PSPC1: variants seen among roughly 807,000 people sequenced by gnomAD.
PSPC1 encodes paraspeckle protein 1.
In PSPC1, 14 loss-of-function variants were observed where a neutral mutation model predicts 51.6. The observed-to-expected ratio is 0.27, with a 90% CI of 0.18 to 0.42. The LOEUF (loss-of-function observed/expected upper bound fraction) is 0.42. Among genes scored for constraint, PSPC1 ranks in the 10% least tolerant of loss-of-function variants. The pLI is 1.00. For missense variants in PSPC1, 406 were observed against 701.1 expected (o/e 0.58, Z 4.75); for synonymous variants, 193 against 231.9 (o/e 0.83, Z 1.53).
intron 1 of PSPC1, among the ~76,000 whole-genome samples, chr13:19,781,961 C>A (rs891262168): frequency 1.1e-4 from 17 of 152,316 alleles, no homozygotes; most frequent in African/African-American, 4.1e-4. Context: ...ACATCCAATT[C>A]GTTTTTTATG....
Position 19,782,317 on chromosome 13 carries a change from C to A in PSPC1, c.372+69G>T. 1 of 1,509,532 alleles carries A rather than the reference C, an allele frequency of 6.6e-7. No individual in the cohort carries two copies. The highest frequency in any genetic ancestry group is 1.3e-5 in the South Asian group (1 of 76,866). 93.5% of individuals were successfully genotyped at this position (1,509,532 alleles called of 1,614,324 possible). On this transcript the variant is annotated intron_variant, in intron 1 of 8. Transcript: ENST00000338910. The surrounding 1 kb of genome is among the most constrained non-coding windows in gnomAD (Gnocchi z 4.5). ...GACAGCGTCCTAGGACGAGGCTGGC[C>A]TCAGCCCCACGACCCCGCGGCCACC... is the stretch of plus-strand genomic sequence containing the variant.
intron 6 of PSPC1, among the ~76,000 whole-genome samples, chr13:19,710,963 G>T (rs551013470): frequency 6.6e-6 from 1 of 151,206 alleles, no homozygotes; most frequent in Admixed American, 6.6e-5. Flanking sequence ...TCAGCTTCCC[G>T]AATAGATGGG....
At chr13:19,761,372 T>C (rs1438834603) in intron 2 of PSPC1, among the ~76,000 whole-genome samples, 3 of 152,042 alleles carry the variant, frequency 2.0e-5, no homozygotes, top group African/African-American at 7.2e-5. Context: ...CACACTGATA[T>C]TAAAATTTCC....
chr13:19,736,490 T>C lies in PSPC1; in HGVS notation c.1052+5075A>G, dbSNP rs755953065. Among the ~76,000 whole-genome samples, 84 of 152,090 alleles carry C rather than the reference T, an allele frequency of 5.5e-4. No homozygotes were observed. The South Asian group carries it at 0.011, about 20-fold the overall frequency. On this transcript the variant is annotated intron_variant, in intron 5 of 8. Coordinates refer to ENST00000338910, the MANE Select transcript of PSPC1 (RefSeq NM_001354909.2). Reference sequence around the variant, plus strand: ...CAAGGTCAGCAGATCGAGACCATCCTGGCTAACACAGTGAAACCCCATCTC... The same window carrying C: ...CAAGGTCAGCAGATCGAGACCATCCCGGCTAACACAGTGAAACCCCATCTC...
downstream of PSPC1, among the ~76,000 whole-genome samples, chr13:19,699,045 A>G (rs2137694815): frequency 6.6e-6 from 1 of 152,050 alleles, no homozygotes; most frequent in East Asian, 1.9e-4. Context: ...AAGGTCAAAT[A>G]AAATCAGAAA....
At chr13:19,772,163 C>A in intron 2 of PSPC1, 79 bp downstream of exon 2, 1 of 1,443,644 alleles carries the variant, frequency 6.9e-7, no homozygotes. Flanking sequence ...GTATGAACTG[C>A]AATGAAAGAC....
At chr13:19,734,947 C>T (rs1411530464) in intron 5 of PSPC1, among the ~76,000 whole-genome samples, 1 of 150,612 alleles carries the variant, frequency 6.6e-6, no homozygotes, top group Non-Finnish European at 1.5e-5. Context: ...CACTGCATTA[C>T]AGCCTGAGCG....
At chr13:19,780,673 C>T (rs946381359) in intron 1 of PSPC1, among the ~76,000 whole-genome samples, 89 of 135,756 alleles carry the variant, frequency 6.6e-4, no homozygotes, top group Admixed American at 6.3e-4. Context: ...ACAAACACTG[C>T]GGAAGGCCGC....
intron 6 of PSPC1, among the ~76,000 whole-genome samples, chr13:19,724,650 C>T (rs1049151941): frequency 5.3e-5 from 8 of 152,136 alleles, no homozygotes; most frequent in Admixed American, 3.3e-4. Context: ...GTCAGGAGTT[C>T]GAGACCAGCC....
intron 6 of PSPC1, among the ~76,000 whole-genome samples, chr13:19,694,927 G>A (rs1012048846): frequency 4.6e-5 from 7 of 152,154 alleles, no homozygotes; most frequent in African/African-American, 1.7e-4. Context: ...TCGCTACATG[G>A]TAAGATATTA....
At chr13:19,710,752 TACGGTACA>T (rs1565981866) in intron 6 of PSPC1, among the ~76,000 whole-genome samples, 1 of 152,126 alleles carries the variant, frequency 6.6e-6, no homozygotes, top group Non-Finnish European at 1.5e-5. Flanking sequence ...TGAATGAAGC[TACGGTACA>T]ACAAAAACAC....
At chr13:19,683,591 C>T (rs1009330989) in intron 6 of PSPC1, among the ~76,000 whole-genome samples, 1 of 152,136 alleles carries the variant, frequency 6.6e-6, no homozygotes, top group Admixed American at 6.5e-5. Flanking sequence ...GTTTGAATAA[C>T]TGACAGGGTA....
intron 1 of PSPC1, among the ~76,000 whole-genome samples, chr13:19,777,771 C>T (rs1889322524): frequency 6.6e-6 from 1 of 151,962 alleles, no homozygotes; most frequent in South Asian, 2.1e-4. Context: ...CATGATGAAA[C>T]CCCATCTCTA....
At chr13:19,764,682 T>TAAA (rs68143550) in intron 2 of PSPC1, among the ~76,000 whole-genome samples, 1,264 of 78,248 alleles carry the variant, frequency 0.016, 45 homozygotes, top group African/African-American at 0.054. Flanking sequence ...GAACTTGCCT[T>TAAA]AAAAAAAAAA....
downstream of PSPC1, among the ~76,000 whole-genome samples, chr13:19,701,958 T>C (rs7996479): frequency 0.01 from 1,546 of 152,306 alleles, 28 homozygotes; most frequent in African/African-American, 0.035. Flanking sequence ...ATAAACATTA[T>C]AATGTGATAA....
At chr13:19,760,920 G>A (rs534832085) in intron 2 of PSPC1, among the ~76,000 whole-genome samples, 2 of 151,614 alleles carry the variant, frequency 1.3e-5, no homozygotes, top group Admixed American at 1.3e-4. Context: ...TCCGGGAGAC[G>A]GAGGTTGCAG....
intron 4 of PSPC1, among the ~76,000 whole-genome samples, chr13:19,744,313 G>A (rs1187680111): frequency 6.6e-6 from 1 of 151,930 alleles, no homozygotes; most frequent in South Asian, 2.1e-4. Context: ...CACCTTACTT[G>A]TAACACTGGT....
Position 19,689,779 on chromosome 13 carries a change from C to T in PSPC1, c.1159-11956G>A, listed in dbSNP as rs1225646376. Among the ~76,000 whole-genome samples the T allele has an allele frequency of 2.0e-5, 3 of 152,260 alleles. 1 individual carries two copies. Among genetic ancestry groups the T allele is most frequent in the South Asian group, 4.1e-4 (2 of 4,822 alleles). Reference sequence around the variant, plus strand: ...GAACTGAGTAATGTCTACCATATAACTAAGAAAAATGTTAATCTGGTCTAT... The same window carrying T: ...GAACTGAGTAATGTCTACCATATAATTAAGAAAAATGTTAATCTGGTCTAT... On this transcript the variant is annotated intron_variant and NMD_transcript_variant, in intron 6 of 7. Coordinates refer to the PSPC1 transcript ENST00000471658.
At chr13:19,671,829 A>G, downstream of PSPC1, 9 of 1,614,056 alleles carry the variant, frequency 5.6e-6, no homozygotes, top group Non-Finnish European at 7.6e-6. Context: ...CTTTTCTTTC[A>G]ACAGGTTAAG....
Sources: gnomAD v4.1 joint callset for allele counts (sites outside exome capture counted in the v4.1 genomes callset) on GRCh38, gnomAD v4.1.1 for gene constraint, Gnocchi (gnomAD v3.1) non-coding constraint, MANE v1.5 for transcripts, NCBI Gene and HGNC (gene_info 2026-07-23, HGNC 2026-07-21) for gene names.